The following HDAC9 variants were observed in gnomAD, a reference collection of about 807,000 sequenced individuals.
The protein encoded by HDAC9 is MEF-2 interacting transcription repressor (MITR) protein.
In HDAC9, 41 loss-of-function variants were observed where a neutral mutation model predicts 139.4. The observed-to-expected ratio is 0.29, with a 90% CI of 0.23 to 0.38. The LOEUF is 0.38. Among genes scored for constraint, HDAC9 ranks in the 10% least tolerant of loss-of-function variants. The pLI is 1.00. For synonymous variants in HDAC9, 517 were observed against 476.2 expected, an observed-to-expected ratio of 1.09 and a Z score of -1.12; for missense variants, 1,147 against 1,297.0, an observed-to-expected ratio of 0.88 and a Z score of 1.78.
rs183336937 is a variant in HDAC9 at position 18,871,919 on chromosome 7, T to C, written c.2685-2559T>C. ...AAATAAATAATATTCAGTTCAAAAT[T>C]GAGCACATCTTTAGACCAAGACGGT... is the stretch of plus-strand genomic sequence containing the variant. On this transcript the variant is annotated intron_variant, in intron 21 of 25. Transcript: ENST00000686413. Among the ~76,000 whole-genome samples, 6 of 152,256 alleles carry C rather than the reference T, an allele frequency of 3.9e-5. No individual in the cohort carries two copies. The East Asian group carries it at 1.2e-3, about 29-fold the overall frequency.
At chr7:18,802,355 A>G (rs1487619037) in intron 17 of HDAC9, among the ~76,000 whole-genome samples, 1 of 152,066 alleles carries the variant, frequency 6.6e-6, no homozygotes, top group South Asian at 2.1e-4. Flanking sequence ...ATTTAAATAT[A>G]AGACATTCAT....
intron 7 of HDAC9, among the ~76,000 whole-genome samples, 178 bp from the exon 8 acceptor site, chr7:18,634,449 A>G (rs1783282472): frequency 6.6e-6 from 1 of 152,056 alleles, no homozygotes; most frequent in African/African-American, 2.4e-5. Context: ...CAAAGGAGGA[A>G]TAAGTGGTAT....
intron 23 of HDAC9, among the ~76,000 whole-genome samples, chr7:18,936,444 A>G (rs1397640486): frequency 1.3e-5 from 2 of 152,198 alleles, no homozygotes; most frequent in Non-Finnish European, 2.9e-5. Flanking sequence ...ATGCATTATA[A>G]GATCCAAGAC....
intron 2 of HDAC9, among the ~76,000 whole-genome samples, chr7:18,530,455 C>G (rs1045473472): frequency 2.0e-5 from 3 of 152,024 alleles, no homozygotes; most frequent in Non-Finnish European, 4.4e-5. Context: ...TGCACCCTTG[C>G]TAAAGCTACT....
intron 17 of HDAC9, among the ~76,000 whole-genome samples, chr7:18,815,398 C>A (rs1012340922): frequency 2.2e-4 from 34 of 152,220 alleles, no homozygotes; most frequent in African/African-American, 8.2e-4. Flanking sequence ...GTTATTATTG[C>A]CTTACCAAGA....
At chr7:18,832,004 G>A (rs946660595) in intron 19 of HDAC9, among the ~76,000 whole-genome samples, 2 of 152,184 alleles carry the variant, frequency 1.3e-5, no homozygotes, top group South Asian at 2.1e-4. Flanking sequence ...ATTCAGCAGC[G>A]TTGAGTATTT....
At chr7:18,732,976 CAT>C (rs144404178) in intron 13 of HDAC9, among the ~76,000 whole-genome samples, 3,474 of 119,236 alleles carry the variant, frequency 0.029, 352 homozygotes, top group African/African-American at 0.13. Flanking sequence ...TGTATATACA[CAT>C]GTGTATGTGT....
chr7:18,171,210 G>A (rs935416292), intron 2 of HDAC9, among the ~76,000 whole-genome samples: 1 of 152,148 alleles, frequency 6.6e-6, no homozygotes, highest in African/African-American at 2.4e-5. Context: ...TGAAGCAATT[G>A]TGAATGGGAG....
chr7:18,848,024 C>A (rs1797024864), intron 21 of HDAC9, among the ~76,000 whole-genome samples: 1 of 152,138 alleles, frequency 6.6e-6, no homozygotes, highest in South Asian at 2.1e-4. Flanking sequence ...CATCCATGAT[C>A]CTGCTAACCA....
intron 2 of HDAC9, among the ~76,000 whole-genome samples, chr7:18,202,516 A>G (rs1475104450): frequency 6.6e-6 from 1 of 152,044 alleles, no homozygotes; most frequent in Non-Finnish European, 1.5e-5. Context: ...TACTGTTTTT[A>G]TGCTTGCAGG....
intron 1 of HDAC9, among the ~76,000 whole-genome samples, chr7:18,430,203 T>C (rs890467915): frequency 1.7e-4 from 26 of 152,292 alleles, no homozygotes; most frequent in Admixed American, 4.6e-4. Flanking sequence ...TTTTTCAAAC[T>C]GTGGACCACA....
Position 18,766,395 on chromosome 7 carries a change from A to G in HDAC9, c.2165-711A>G, listed in dbSNP as rs537443379. Among the ~76,000 whole-genome samples the G allele has an allele frequency of 1.1e-4, 17 of 152,352 alleles. No individual in the cohort carries two copies. In the South Asian group the frequency reaches 3.3e-3, roughly 30 times the overall value. ...ATTACTAAAAATCCCATGAAACACCAGTTCTAAGAGATACTCACAATTCAG... is the reference window on the plus strand; with the variant it reads ...ATTACTAAAAATCCCATGAAACACCGGTTCTAAGAGATACTCACAATTCAG... On this transcript the variant is annotated intron_variant, in intron 15 of 25. Coordinates refer to ENST00000686413, the MANE Select transcript of HDAC9 (RefSeq NM_178425.4).
intron 1 of HDAC9, among the ~76,000 whole-genome samples, chr7:18,374,809 A>G (rs1397724193): frequency 6.6e-6 from 1 of 152,124 alleles, no homozygotes; most frequent in Non-Finnish European, 1.5e-5. Flanking sequence ...TGTTTGGGTC[A>G]ATGACAGATG....
At chr7:18,814,863 G>A (rs1794446615) in intron 17 of HDAC9, among the ~76,000 whole-genome samples, 1 of 152,028 alleles carries the variant, frequency 6.6e-6, no homozygotes, top group Admixed American at 6.5e-5. Flanking sequence ...AAAGAACCTA[G>A]ACATTTTGAT....
intron 2 of HDAC9, among the ~76,000 whole-genome samples, chr7:18,550,196 T>C (rs1289918437): frequency 1.3e-5 from 2 of 152,206 alleles, no homozygotes; most frequent in African/African-American, 4.8e-5. Context: ...AAGTTAGTGA[T>C]AGAAAGCATG....
intron 1 of HDAC9, among the ~76,000 whole-genome samples, chr7:18,316,475 G>T (rs141635811): frequency 6.6e-6 from 1 of 151,834 alleles, no homozygotes. Context: ...TAAATTTGGA[G>T]TCCTCTTTGG....
intron 2 of HDAC9, among the ~76,000 whole-genome samples, chr7:18,243,680 CAT>C (rs1794337818): frequency 6.6e-6 from 1 of 152,240 alleles, no homozygotes; most frequent in Non-Finnish European, 1.5e-5. Flanking sequence ...CTGCCACCTA[CAT>C]GTTTGTTTTG....
At chr7:18,259,885 G>A (rs1424498946) in intron 2 of HDAC9, among the ~76,000 whole-genome samples, 1 of 152,138 alleles carries the variant, frequency 6.6e-6, no homozygotes, top group Non-Finnish European at 1.5e-5. Context: ...TAGTATACCA[G>A]TCGTCATGAC....
intron 1 of HDAC9, among the ~76,000 whole-genome samples, chr7:18,466,630 A>G (rs1794300429): frequency 6.6e-6 from 1 of 152,290 alleles, no homozygotes; most frequent in South Asian, 2.1e-4. Flanking sequence ...TTTAAGGACA[A>G]TGTGATTACC....
Sources: gnomAD v4.1 joint callset for allele counts (sites outside exome capture counted in the v4.1 genomes callset) on GRCh38, gnomAD v4.1.1 for gene constraint, MANE v1.5 for transcripts, NCBI Gene and HGNC (gene_info 2026-07-23, HGNC 2026-07-21) for gene names.